ATAD1: variants seen among roughly 807,000 people sequenced by gnomAD.
ATAD1 encodes the protein outer mitochondrial transmembrane helix translocase.
ATAD1 carries 18 observed loss-of-function variants against 42.7 expected under a neutral mutation model. The observed-to-expected ratio is 0.42, with a 90% CI of 0.29 to 0.63. ATAD1 has a LOEUF of 0.63. Among genes scored for constraint, ATAD1 ranks in the 20% least tolerant of loss-of-function variants. ATAD1 has a pLI of 0.19. For synonymous variants in ATAD1, 132 were observed against 143.1 expected, an observed-to-expected ratio of 0.92 and a Z score of 0.55; for missense variants, 294 against 440.4, an observed-to-expected ratio of 0.67 and a Z score of 2.98.
chr10:87,827,184 T>C (rs1449212749), intron 1 of ATAD1, among the ~76,000 whole-genome samples: 1 of 152,238 alleles, frequency 6.6e-6, no homozygotes, highest in Non-Finnish European at 1.5e-5. Flanking sequence ...AATATCATGA[T>C]ACTATTTATA....
intron 9 of ATAD1, among the ~76,000 whole-genome samples, chr10:87,755,622 A>T (rs2131747121): frequency 6.6e-6 from 1 of 152,248 alleles, no homozygotes; most frequent in South Asian, 2.1e-4. Context: ...TAAGAATAAA[A>T]ACCTGGCCAG....
chr10:87,825,317 T>G (rs1251879401), intron 1 of ATAD1, among the ~76,000 whole-genome samples: 1 of 150,478 alleles, frequency 6.6e-6, no homozygotes, highest in African/African-American at 2.5e-5. Context: ...CCTTTTTTTT[T>G]TTTTTTTTTT....
upstream of ATAD1, among the ~76,000 whole-genome samples, chr10:87,820,951 A>G (rs1027797127): frequency 3.3e-5 from 5 of 152,148 alleles, no homozygotes; most frequent in Admixed American, 2.0e-4. Context: ...AAATAATTCA[A>G]TATATATAAT....
chr10:87,771,745 T>C (rs1855041294), intron 6 of ATAD1, among the ~76,000 whole-genome samples: 1 of 149,858 alleles, frequency 6.7e-6, no homozygotes, highest in Non-Finnish European at 1.5e-5. Context: ...TTATAAAGGA[T>C]GTAGAGATTA....
intron 1 of ATAD1, among the ~76,000 whole-genome samples, chr10:87,830,253 C>T (rs988185980): frequency 1.1e-4 from 17 of 152,340 alleles, no homozygotes; most frequent in African/African-American, 4.1e-4. Flanking sequence ...TAAATACATC[C>T]TATCTTTCAC....
At chr10:87,802,702 A>G (rs934038141) in intron 2 of ATAD1, among the ~76,000 whole-genome samples, 42 of 151,962 alleles carry the variant, frequency 2.8e-4, no homozygotes, top group African/African-American at 9.2e-4. Flanking sequence ...TATACAAACA[A>G]TCTGGCCAAT....
At chr10:87,806,342 C>A (rs1252029725) in intron 2 of ATAD1, among the ~76,000 whole-genome samples, 1 of 151,728 alleles carries the variant, frequency 6.6e-6, no homozygotes, top group African/African-American at 2.4e-5. Context: ...ATATCTTAGA[C>A]TGTTTAGATG....
At chr10:87,776,625 T>C (rs1012503753) in intron 5 of ATAD1, among the ~76,000 whole-genome samples, 198 bp from the exon 6 acceptor site, 10 of 152,016 alleles carry the variant, frequency 6.6e-5, no homozygotes, top group African/African-American at 2.2e-4. Flanking sequence ...TGTGCCACCA[T>C]GCGGAGCTAA....
intron 1 of ATAD1, among the ~76,000 whole-genome samples, chr10:87,824,604 G>A (rs954246054): frequency 6.6e-6 from 1 of 152,148 alleles, no homozygotes; most frequent in African/African-American, 2.4e-5. Flanking sequence ...AAACATGCTG[G>A]TGTAATACCT....
intron 2 of ATAD1, among the ~76,000 whole-genome samples, chr10:87,801,681 GC>G (rs1856702812): frequency 1.3e-5 from 2 of 152,018 alleles, no homozygotes. Flanking sequence ...TTTGACTATG[GC>G]TACCCTAAAA....
chr10:87,821,606 C>T (rs1351742684), upstream of ATAD1, among the ~76,000 whole-genome samples: 1 of 152,138 alleles, frequency 6.6e-6, no homozygotes, highest in East Asian at 1.9e-4. Flanking sequence ...ATGCAGATTC[C>T]TGGCTCCCAG....
chr10:87,838,926 T>C (rs1857979334), intron 1 of ATAD1, among the ~76,000 whole-genome samples: 1 of 152,206 alleles, frequency 6.6e-6, no homozygotes, highest in Non-Finnish European at 1.5e-5. Flanking sequence ...TATTTTGTTT[T>C]GGCACCTTGA....
rs1047975001 is a variant in ATAD1 at position 87,814,563 on chromosome 10, G to T, written c.37C>A (p.Arg13=). 1.9e-6 allele frequency: 3 copies of T among 1,610,218 alleles called. No homozygotes were observed. The highest frequency in any genetic ancestry group is 1.1e-5 in the South Asian group (1 of 90,598). The change falls in exon 2 of 10, where the codon CGG becomes AGG. Residue 13 remains arginine, a synonymous_variant. Coordinates refer to ENST00000680024, the MANE Select transcript of ATAD1 (RefSeq NM_001321967.2). ...HAEAFSRPLS[R]NEVVGLIFRL... is the part of the protein sequence containing the mutation. The stretch of plus-strand genomic sequence containing the variant: ...AAAATTAAACCAACAACTTCATTCC[G>T]ACTCAAAGGACGAGAAAAGGCTTCA...
chr10:87,836,365 A>G (rs1441211293), intron 1 of ATAD1, among the ~76,000 whole-genome samples: 1 of 152,236 alleles, frequency 6.6e-6, no homozygotes, highest in African/African-American at 2.4e-5. Flanking sequence ...TCTTTAGACC[A>G]AGGTATGCTG....
intron 2 of ATAD1, among the ~76,000 whole-genome samples, chr10:87,797,194 T>C (rs995745405): frequency 1.3e-5 from 2 of 152,200 alleles, no homozygotes; most frequent in South Asian, 2.1e-4. Flanking sequence ...TTGTTGTTTG[T>C]TTGTTCTGGT....
At position 87,770,995 on chromosome 10, in the gene ATAD1, G is replaced by A; in HGVS notation, c.737C>T (p.Ala246Val). The A allele has an allele frequency of 1.2e-6, 2 of 1,613,530 alleles. No individual in the cohort carries two copies. The highest frequency in any genetic ancestry group is 1.7e-6 in the Non-Finnish European group (2 of 1,179,682). ...TCTTGTAGGCATTCTTCTCATTATA[G>A]CCGAGTCAAGGTCCTGAGGACGATT... ...ATNRPQDLDS[A>V]IMRRMPTRFH... Residue 246 changes from alanine to valine, a missense_variant, in exon 7 of 10, where the codon GCT becomes GTT. Transcript: ENST00000680024.
At chr10:87,805,121 T>C (rs753016213) in intron 2 of ATAD1, among the ~76,000 whole-genome samples, 2 of 152,224 alleles carry the variant, frequency 1.3e-5, no homozygotes, top group Non-Finnish European at 2.9e-5. Flanking sequence ...TTATCTGGTA[T>C]ACTCAAAGTG....
intron 1 of ATAD1, among the ~76,000 whole-genome samples, chr10:87,833,531 C>T (rs979760196): frequency 2.6e-5 from 4 of 152,098 alleles, no homozygotes; most frequent in African/African-American, 4.8e-5. Flanking sequence ...TGAAGACATT[C>T]TTACCTTGTT....
At chr10:87,773,072 G>A (rs1002944292) in intron 6 of ATAD1, among the ~76,000 whole-genome samples, 1 of 152,008 alleles carries the variant, frequency 6.6e-6, no homozygotes, top group African/African-American at 2.4e-5. Flanking sequence ...CTTAATACCT[G>A]GGTATGAAAT....
Sources: gnomAD v4.1 joint callset for allele counts (sites outside exome capture counted in the v4.1 genomes callset) on GRCh38, gnomAD v4.1.1 for gene constraint, MANE v1.5 for transcripts, NCBI Gene and HGNC (gene_info 2026-07-23, HGNC 2026-07-21) for gene names.